Variants in GRID2 observed in about 807,000 individuals in gnomAD.
GRID2 encodes the protein glutamate receptor ionotropic, delta-2.
In GRID2, 33 loss-of-function variants were observed where a neutral mutation model predicts 114.8. The observed-to-expected ratio is 0.29, with a 90% confidence interval of 0.22 to 0.38. The LOEUF is 0.38. GRID2 is among the 10% of genes least tolerant of loss of function. The pLI is 1.00. For synonymous variants in GRID2, 505 were observed against 449.9 expected (o/e 1.12, Z -1.55); for missense variants, 1,184 against 1,257.7 (o/e 0.94, Z 0.89).
Position 92,658,091 on chromosome 4 carries a change from ATAAG to A in GRID2, c.244+67810_244+67813del, listed in dbSNP as rs550750127. The stretch of plus-strand genomic sequence containing the variant: ...TACATGAAATGGAGCTTCAGCCCTT[ATAAG>A]TAAGAAATATTAAAACAATTAAATA... On this transcript the variant is annotated intron_variant, in intron 2 of 15. Coordinates refer to ENST00000282020, the MANE Select transcript of GRID2 (RefSeq NM_001510.4). 2.2e-3 allele frequency among the ~76,000 whole-genome samples: 328 copies of A among 151,924 alleles called. 2 individuals are homozygous for A. Among genetic ancestry groups the A allele is most frequent in the Middle Eastern group, 6.8e-3 (2 of 294 alleles).
At chr4:93,078,472 G>A (rs1729534611) in intron 2 of GRID2, among the ~76,000 whole-genome samples, 1 of 151,016 alleles carries the variant, frequency 6.6e-6, no homozygotes, top group Admixed American at 6.6e-5. Flanking sequence ...GCCTGATATA[G>A]AAATACATTT....
At chr4:93,432,236 C>T (rs1341877101) in intron 10 of GRID2, among the ~76,000 whole-genome samples, 1 of 152,108 alleles carries the variant, frequency 6.6e-6, no homozygotes, top group Non-Finnish European at 1.5e-5. Context: ...AACAGTGTGA[C>T]TTTCTTCAGC....
intron 14 of GRID2, among the ~76,000 whole-genome samples, chr4:93,645,738 T>C (rs953877704): frequency 6.6e-6 from 1 of 152,180 alleles, no homozygotes; most frequent in Non-Finnish European, 1.5e-5. Flanking sequence ...ATTCAGCTCT[T>C]TATTAAATTT....
intron 2 of GRID2, among the ~76,000 whole-genome samples, chr4:92,925,463 A>G (rs753151030): frequency 5.3e-5 from 8 of 152,078 alleles, no homozygotes; most frequent in Non-Finnish European, 1.2e-4. Context: ...CAAAGCAACT[A>G]CTATTTTAAG....
At position 93,004,712 on chromosome 4, in the gene GRID2, A is replaced by G. The variant is rs141730425; in HGVS notation, c.245-80283A>G. Among the ~76,000 whole-genome samples the G allele has an allele frequency of 7.7e-3, 1,177 of 152,010 alleles. 8 individuals are homozygous for G. The highest frequency in any genetic ancestry group is 0.012 in the Non-Finnish European group (826 of 67,920). On this transcript the variant is annotated intron_variant, in intron 2 of 15. Coordinates refer to ENST00000282020, the MANE Select transcript of GRID2 (RefSeq NM_001510.4). ...TCCTAAATGAGCTGTCCTGACTCAT[A>G]TTCTCTACTCCTTCACTTGTGTTTC...
At chr4:92,387,941 C>G (rs1250056490) in intron 1 of GRID2, among the ~76,000 whole-genome samples, 1 of 152,000 alleles carries the variant, frequency 6.6e-6, no homozygotes, top group Non-Finnish European at 1.5e-5. Flanking sequence ...CCAAGTCTAG[C>G]TGGATTTCAG....
chr4:93,791,637 T>G (rs1238977647), intron 1 of GRID2, among the ~76,000 whole-genome samples: 1 of 152,224 alleles, frequency 6.6e-6, no homozygotes, highest in Non-Finnish European at 1.5e-5. Flanking sequence ...GGCAGTTCCT[T>G]GCACCCTGAA....
At chr4:92,555,886 C>T (rs967871865) in intron 1 of GRID2, among the ~76,000 whole-genome samples, 1 of 152,162 alleles carries the variant, frequency 6.6e-6, no homozygotes, top group African/African-American at 2.4e-5. Context: ...GAGGCTGCCT[C>T]AGTGAGCTCT....
At chr4:92,341,122 T>G (rs182903267) in intron 1 of GRID2, among the ~76,000 whole-genome samples, 1 of 152,160 alleles carries the variant, frequency 6.6e-6, no homozygotes, top group Non-Finnish European at 1.5e-5. Flanking sequence ...CAGTAGATAG[T>G]ATATATAAAA....
chr4:92,412,568 G>A (rs1731391979), intron 1 of GRID2, among the ~76,000 whole-genome samples: 1 of 151,978 alleles, frequency 6.6e-6, no homozygotes, highest in South Asian at 2.1e-4. Context: ...TTTAAAATTA[G>A]AAACAAATCA....
At chr4:93,291,608 G>T (rs1238323878) in intron 8 of GRID2, among the ~76,000 whole-genome samples, 1 of 152,090 alleles carries the variant, frequency 6.6e-6, no homozygotes, top group African/African-American at 2.4e-5. Flanking sequence ...AGATCACTTG[G>T]CTTTCCAGAT....
chr4:92,476,038 T>A (rs1722296005), intron 1 of GRID2, among the ~76,000 whole-genome samples: 2 of 149,898 alleles, frequency 1.3e-5, no homozygotes, highest in Admixed American at 6.7e-5. Flanking sequence ...TTTTTTTTTT[T>A]TTTGTGACGG....
intron 15 of GRID2, 86 bp downstream of exon 15, chr4:93,769,536 T>A (rs1733949252): frequency 1.6e-6 from 2 of 1,268,528 alleles, no homozygotes; most frequent in Admixed American, 2.1e-5. Context: ...GGATAATGGG[T>A]TGGGGGTGGT....
chr4:93,611,187 T>C (rs1740855589), intron 13 of GRID2, among the ~76,000 whole-genome samples: 1 of 99,056 alleles, frequency 1.0e-5, no homozygotes, highest in East Asian at 2.5e-4. Flanking sequence ...TTATTGTGTC[T>C]ATTTGATTCT....
chr4:92,588,087 G>A (rs1022200603), intron 1 of GRID2, among the ~76,000 whole-genome samples: 2 of 152,012 alleles, frequency 1.3e-5, no homozygotes, highest in Non-Finnish European at 2.9e-5. Flanking sequence ...AAAGAAATTT[G>A]TATATCTAAA....
intron 3 of GRID2, among the ~76,000 whole-genome samples, chr4:93,094,722 T>C (rs1731057062): frequency 6.6e-6 from 1 of 152,048 alleles, no homozygotes; most frequent in African/African-American, 2.4e-5. Context: ...ACAGGACTCC[T>C]ACTTACACTA....
chr4:93,103,173 C>T (rs955476036), intron 3 of GRID2, among the ~76,000 whole-genome samples: 2 of 152,084 alleles, frequency 1.3e-5, no homozygotes, highest in Non-Finnish European at 2.9e-5. Context: ...ATTCCTCCTT[C>T]CACCAGCGCT....
intron 7 of GRID2, among the ~76,000 whole-genome samples, chr4:93,233,341 T>G: frequency 6.7e-6 from 1 of 150,140 alleles, no homozygotes; most frequent in South Asian, 2.1e-4. Context: ...TATTATTTTT[T>G]TTTTTATTTT....
intron 1 of GRID2, among the ~76,000 whole-genome samples, chr4:92,455,593 G>T (rs1463213183): frequency 6.6e-6 from 1 of 152,098 alleles, no homozygotes; most frequent in African/African-American, 2.4e-5. Context: ...AGCAGGAATA[G>T]AAACATGGAA....
Sources: allele counts gnomAD v4.1 joint callset (sites outside exome capture counted in the v4.1 genomes callset), GRCh38; gene constraint gnomAD v4.1.1; transcripts MANE v1.5; gene names NCBI Gene and HGNC (gene_info 2026-07-23, HGNC 2026-07-21).